CLN6: variants seen among roughly 807,000 people sequenced by gnomAD.
The protein encoded by CLN6 is CLN6 transmembrane ER protein.
Under a neutral mutation model 33.3 loss-of-function variants are expected in CLN6, and 22 were observed. The ratio of observed to expected loss-of-function variants is 0.66; its 90% confidence interval spans 0.47 to 0.94. CLN6 has a LOEUF of 0.94. Among genes scored for constraint, CLN6 ranks in the 40% least tolerant of loss-of-function variants. The pLI is 0.00. For synonymous variants in CLN6, 201 were observed against 174.6 expected (o/e 1.15, Z -1.19); for missense variants, 387 against 417.1 (o/e 0.93, Z 0.63).
At chr15:68,214,498 AC>A (rs1438840598) in intron 2 of CLN6, 110 bp from the exon 3 acceptor site, 7 of 623,116 alleles carry the variant, frequency 1.1e-5, no homozygotes, top group Non-Finnish European at 1.7e-5. Flanking sequence ...TTCACCCCCC[AC>A]CCCATCATGT....
In CLN6 at chr15:68,220,374, G is replaced by A. The variant is rs752159884; in HGVS notation, c.84-1724C>T. On this transcript the variant is annotated intron_variant, in intron 1 of 6. Coordinates refer to ENST00000249806, the MANE Select transcript of CLN6 (RefSeq NM_017882.3). This position sits in a 1 kb window ranked among gnomAD's most constrained non-coding sequence, Gnocchi z 4.2. Reference sequence around the variant, plus strand: ...AGCCACCCGTGTAGTAAGGAGCTGTGGCAACAATTCCTTTTGTCAGCCTAT... The same window carrying A: ...AGCCACCCGTGTAGTAAGGAGCTGTAGCAACAATTCCTTTTGTCAGCCTAT... Among the ~76,000 whole-genome samples the A allele has an allele frequency of 9.2e-5, 14 of 152,188 alleles. No homozygotes were observed. Among genetic ancestry groups the A allele is most frequent in the East Asian group, 1.9e-4 (1 of 5,190 alleles).
Position 68,247,876 on chromosome 15 carries a change from A to G in CLN6, c.179+8814T>C, listed in dbSNP as rs995469529. ...AAACCCCATCTCTACTAAAAATACA[A>G]AATTAGCTGGGTGTGGTGGCACATG... is the stretch of plus-strand genomic sequence containing the variant. On this transcript the variant is annotated intron_variant, in intron 1 of 6. Coordinates refer to the CLN6 transcript ENST00000538696. The surrounding 1 kb of genome is among the most constrained non-coding windows in gnomAD (Gnocchi z 4.2). Among the ~76,000 whole-genome samples, 3 of 151,926 alleles carry G rather than the reference A, an allele frequency of 2.0e-5. No homozygotes were observed. The highest frequency in any genetic ancestry group is 1.3e-4 in the Admixed American group (2 of 15,270).
Position 68,236,935 on chromosome 15 carries a change from A to G in CLN6, c.180-18285T>C, listed in dbSNP as rs1595829096. On this transcript the variant is annotated intron_variant, in intron 1 of 6. Coordinates refer to the CLN6 transcript ENST00000538696. This position sits in a 1 kb window ranked among gnomAD's most constrained non-coding sequence, Gnocchi z 4.5. ...CACTTTGGGAGGCCGAGGCGGGTGG[A>G]TCATGAGGTCAGGAGATCGAGACCA... 6.6e-6 allele frequency among the ~76,000 whole-genome samples: 1 copy of G among 150,926 alleles called. No individual in the cohort carries two copies. Among genetic ancestry groups the G allele is most frequent in the Admixed American group, 6.6e-5 (1 of 15,174 alleles).
rs1015464423 is a variant in CLN6 at position 68,256,818 on chromosome 15, T to C, written c.51A>G (p.Pro17=). The change falls in exon 1 of 7, where the codon CCA becomes CCG. Residue 17 remains proline (P), a synonymous_variant. Transcript: ENST00000538696. This position sits in a 1 kb window ranked among gnomAD's most constrained non-coding sequence, Gnocchi z 4.1. ...TCCTAGGGATGGCTCCCAGTGTCTC[T>C]GGCCGGGGCCTGCCTCTCGCTCGCC... 6.7e-6 allele frequency: 4 copies of C among 596,336 alleles called. No individual in the cohort carries two copies. Among genetic ancestry groups the C allele is most frequent in the African/African-American group, 1.9e-5 (1 of 53,008 alleles). 36.9% of individuals were successfully genotyped at this position (596,336 alleles called of 1,614,324 possible).
upstream of CLN6, among the ~76,000 whole-genome samples, chr15:68,231,483 C>T (rs946973060): frequency 3.3e-5 from 5 of 152,342 alleles, no homozygotes; most frequent in East Asian, 5.8e-4. Context: ...ATCTACACAT[C>T]GATCTCGGTA....
intron 1 of CLN6, among the ~76,000 whole-genome samples, chr15:68,229,068 G>A (rs1257935684): frequency 2.0e-5 from 3 of 152,192 alleles, no homozygotes; most frequent in Admixed American, 1.3e-4. Context: ...CCTACTCAGG[G>A]CTGGAGGGAC....
chr15:68,221,420 CG>C (rs1189468954), intron 1 of CLN6, among the ~76,000 whole-genome samples: 4 of 151,946 alleles, frequency 2.6e-5, no homozygotes, highest in African/African-American at 7.3e-5. Context: ...TTGGTGGAGA[CG>C]GGGTTTCGCC....
Position 68,222,949 on chromosome 15 carries a change from C to T in CLN6, c.84-4299G>A, listed in dbSNP as rs541553112. 2.7e-3 allele frequency among the ~76,000 whole-genome samples: 409 copies of T among 152,176 alleles called. 1 individual carries two copies. The highest frequency in any genetic ancestry group is 9.4e-3 in the African/African-American group (392 of 41,502). ...GCAGCATGCTCGTTAAGAGTCATCA[C>T]CACTCCCTAATCTCAAGTACCCAGG... On this transcript the variant is annotated intron_variant, in intron 1 of 6. Transcript: ENST00000249806.
At chr15:68,244,479 G>A (rs1339694049) in intron 1 of CLN6, among the ~76,000 whole-genome samples, 1 of 151,862 alleles carries the variant, frequency 6.6e-6, no homozygotes, top group African/African-American at 2.4e-5. Flanking sequence ...CTTTAAATAT[G>A]AAGGAAAGAT....
At chr15:68,249,866 G>A (rs1221740488) in intron 1 of CLN6, among the ~76,000 whole-genome samples, 4 of 152,048 alleles carry the variant, frequency 2.6e-5, no homozygotes, top group South Asian at 4.1e-4. Flanking sequence ...TCTGCCTCCC[G>A]GGTTCAAGCG....
rs377148534 is a variant in CLN6 at position 68,218,575 on chromosome 15, C to T, written c.159G>A (p.Leu53=). ...FHLDLWFYFT[L]QNWVLDFGRP... Reference sequence around the variant, plus strand: ...GCCCAAAGTCCAGAACCCAGTTCTGCAGTGTGAAGTAGAACCAGAGGTCGA... The same window carrying T: ...GCCCAAAGTCCAGAACCCAGTTCTGTAGTGTGAAGTAGAACCAGAGGTCGA... The change falls in exon 2 of 7, where the codon CTG becomes CTA. Residue 53 remains leucine (L), a synonymous_variant. Transcript: ENST00000249806. 2 of 1,613,826 alleles carry T rather than the reference C, an allele frequency of 1.2e-6. No homozygotes were observed. Among genetic ancestry groups the T allele is most frequent in the East Asian group, 2.2e-5 (1 of 44,888 alleles).
chr15:68,229,983 G>A (rs1232399145), upstream of CLN6, among the ~76,000 whole-genome samples: 1 of 152,212 alleles, frequency 6.6e-6, no homozygotes, highest in Non-Finnish European at 1.5e-5. Context: ...TTGGGCTGGG[G>A]CGGGGTAGCG....
intron 1 of CLN6, among the ~76,000 whole-genome samples, chr15:68,255,354 C>A (rs1456078401): frequency 6.6e-6 from 1 of 151,918 alleles, no homozygotes; most frequent in African/African-American, 2.4e-5. Context: ...TCTAGCCTTT[C>A]CAGTGATGCC....
At chr15:68,217,916 CCTATCTAT>C (rs10539999) in intron 2 of CLN6, among the ~76,000 whole-genome samples, 6 of 17,204 alleles carry the variant, frequency 3.5e-4, no homozygotes, top group Admixed American at 3.0e-3. Context: ...TACCTACCTA[CCTATCTAT>C]CTTCCATCCT....
Position 68,211,450 on chromosome 15 carries a change from C to T in CLN6, c.487-132G>A, listed in dbSNP as rs1304298967. On this transcript the variant is annotated intron_variant, in intron 4 of 6. Transcript: ENST00000249806. The surrounding 1 kb of genome is among the most constrained non-coding windows in gnomAD (Gnocchi z 5.9). ...CTCCCCCACTGCCTTATTCCCTACC[C>T]GGGGCCTCGCCTTCTGTTACAGGGG... The T allele has an allele frequency of 3.9e-5, 60 of 1,522,690 alleles. No individual in the cohort carries two copies. Among genetic ancestry groups the T allele is most frequent in the Non-Finnish European group, 5.0e-5 (56 of 1,110,158 alleles). The allele number at this position is 1,522,690 out of a possible 1,614,324, so 94.3% of individuals were successfully genotyped here.
chr15:68,232,158 A>AT (rs371517063), upstream of CLN6, among the ~76,000 whole-genome samples: 18 of 48,854 alleles, frequency 3.7e-4, no homozygotes, highest in East Asian at 4.8e-3. This position sits in a 1 kb window ranked among gnomAD's most constrained non-coding sequence, Gnocchi z 4.7. Flanking sequence ...GCTGTATCCG[A>AT]TATTTTTTTT....
chr15:68,208,094 G>GGGCCCCCCCCCCCCC lies in CLN6; in HGVS notation c.*45_*46insGGGGGGGGGGGGGCC. 20 of 1,375,274 alleles carry GGGCCCCCCCCCCCCC rather than the reference G, an allele frequency of 1.5e-5. No individual in the cohort carries two copies. Among genetic ancestry groups the GGGCCCCCCCCCCCCC allele is most frequent in the Non-Finnish European group, 1.8e-5 (18 of 992,020 alleles). The allele number at this position is 1,375,274 out of a possible 1,614,324, so 85.2% of individuals were successfully genotyped here. On this transcript the variant is annotated 3_prime_UTR_variant, in exon 7 of 7. Transcript: ENST00000249806. This position sits in a 1 kb window ranked among gnomAD's most constrained non-coding sequence, Gnocchi z 5.8. ...CTCCTGTATTCAGATGCCCTCCATG[G>GGGCCCCCCCCCCCCC]CCCACCCTCCCACCCAGCAGAGCGC...
chr15:68,237,208 C>T (rs1028270145), intron 1 of CLN6, among the ~76,000 whole-genome samples: 1 of 144,950 alleles, frequency 6.9e-6, no homozygotes, highest in Non-Finnish European at 1.5e-5. Flanking sequence ...AGGCCAGGCA[C>T]AATGGCTCAT....
intron 1 of CLN6, among the ~76,000 whole-genome samples, chr15:68,226,306 G>A (rs2093251675): frequency 7.1e-6 from 1 of 141,078 alleles, no homozygotes; most frequent in Non-Finnish European, 1.5e-5. Context: ...GTAACAGTGT[G>A]AGACTCCATC....
Sources: gnomAD v4.1 joint callset for allele counts (sites outside exome capture counted in the v4.1 genomes callset) on GRCh38, gnomAD v4.1.1 for gene constraint, Gnocchi (gnomAD v3.1) non-coding constraint, MANE v1.5 for transcripts, NCBI Gene and HGNC (gene_info 2026-07-23, HGNC 2026-07-21) for gene names.